Variants in ADAM7 observed in about 807,000 individuals in gnomAD.
The protein encoded by ADAM7 is disintegrin and metalloproteinase domain-containing protein 7.
In ADAM7, 97 loss-of-function variants were observed where a neutral mutation model predicts 102.9. The ratio of observed to expected loss-of-function variants is 0.94; its 90% CI spans 0.80 to 1.12. The LOEUF is 1.12. Among genes scored for constraint, ADAM7 ranks in the 50% most tolerant of loss-of-function variants. The pLI, the probability that ADAM7 is intolerant of heterozygous loss-of-function variation, is 0.00. For synonymous variants in ADAM7, 334 were observed against 304.4 expected, an observed-to-expected ratio of 1.10 and a Z score of -1.01; for missense variants, 991 against 908.7, an observed-to-expected ratio of 1.09 and a Z score of -1.16.
intron 12 of ADAM7, 165 bp from the exon 13 acceptor site, chr8:24,490,634 C>A: frequency 4.8e-6 from 3 of 628,172 alleles, no homozygotes; most frequent in South Asian, 2.2e-5. Flanking sequence ...AGTTAAAGTC[C>A]CAAATACCCG....
In ADAM7 at chr8:24,508,530, A is replaced by T; in HGVS notation, c.*-16A>T. On this transcript the variant is annotated splice_polypyrimidine_tract_variant and intron_variant, in intron 21 of 21. Transcript: ENST00000175238. Reference sequence around the variant, plus strand: ...CATAGGAAACAATCTATTTTTAACCATCTGTTTCTATTTAGAGCTTGAAGT... The same window carrying T: ...CATAGGAAACAATCTATTTTTAACCTTCTGTTTCTATTTAGAGCTTGAAGT... 2 of 1,612,812 alleles carry T rather than the reference A, an allele frequency of 1.2e-6. No individual in the cohort carries two copies. The highest frequency in any genetic ancestry group is 1.1e-5 in the South Asian group (1 of 91,022).
intron 16 of ADAM7, among the ~76,000 whole-genome samples, chr8:24,495,348 C>G (rs1351574188): frequency 6.6e-6 from 1 of 151,894 alleles, no homozygotes; most frequent in Non-Finnish European, 1.5e-5. Flanking sequence ...TTTAAAGCAG[C>G]CTTTACAAAA....
chr8:24,490,667 A>G, intron 12 of ADAM7, 132 bp from the exon 13 acceptor site: 1 of 823,938 alleles, frequency 1.2e-6, no homozygotes. Context: ...ATCTTTATGT[A>G]TGTACCACAG....
At chr8:24,494,721 A>G (rs114826635) in intron 16 of ADAM7, among the ~76,000 whole-genome samples, 1 of 69,552 alleles carries the variant, frequency 1.4e-5, no homozygotes, top group Non-Finnish European at 3.2e-5. Context: ...TGAAAAAAAA[A>G]TCTCTTTTTG....
intron 7 of ADAM7, 23 bp from the exon 8 acceptor site, chr8:24,476,410 T>G (rs1563385252): frequency 9.8e-6 from 15 of 1,528,946 alleles, no homozygotes; most frequent in Non-Finnish European, 1.3e-5. Context: ...TAATGAATAT[T>G]AATATGATAT....
intron 12 of ADAM7, chr8:24,490,381 T>C (rs1291773400): frequency 6.4e-6 from 1 of 155,512 alleles, no homozygotes; most frequent in African/African-American, 2.4e-5. Context: ...TTTGATGTTA[T>C]TTAATGATAC....
intron 2 of ADAM7, among the ~76,000 whole-genome samples, chr8:24,446,614 G>C (rs1376715525): frequency 6.6e-6 from 1 of 151,848 alleles, no homozygotes; most frequent in Non-Finnish European, 1.5e-5. Context: ...GCTGCCTAAA[G>C]ACACATACTA....
At chr8:24,468,922 T>C in intron 7 of ADAM7, 102 bp downstream of exon 7, 1 of 1,135,110 alleles carries the variant, frequency 8.8e-7, no homozygotes, top group South Asian at 1.6e-5. Flanking sequence ...AGTTCTATTC[T>C]AGGCTCAAAG....
intron 10 of ADAM7, 52 bp from the exon 11 acceptor site, chr8:24,487,135 A>T: frequency 1.3e-6 from 2 of 1,579,770 alleles, no homozygotes; most frequent in Non-Finnish European, 1.7e-6. Context: ...AGCACTATGT[A>T]CTACAGTATG....
chr8:24,441,282 C>A, intron 1 of ADAM7, 122 bp downstream of exon 1: 1 of 934,522 alleles, frequency 1.1e-6, no homozygotes, highest in Non-Finnish European at 1.7e-6. Flanking sequence ...CTGAGAGCTT[C>A]GACTAGATTA....
intron 2 of ADAM7, among the ~76,000 whole-genome samples, chr8:24,444,374 C>A (rs906705615): frequency 6.6e-6 from 1 of 151,750 alleles, no homozygotes; most frequent in Admixed American, 6.6e-5. Flanking sequence ...GGGGGTGGAA[C>A]CTAAATCCCC....
intron 3 of ADAM7, among the ~76,000 whole-genome samples, chr8:24,462,884 C>T (rs1226471915): frequency 2.6e-5 from 4 of 152,114 alleles, no homozygotes; most frequent in African/African-American, 9.6e-5. Flanking sequence ...CATGGGTGAA[C>T]AAATGATAAT....
Position 24,466,243 on chromosome 8 carries a change from C to T in ADAM7, c.389+468C>T, listed in dbSNP as rs573313839. Among the ~76,000 whole-genome samples, 13 of 152,192 alleles carry T rather than the reference C, an allele frequency of 8.5e-5. 1 individual carries two copies. In the South Asian group the frequency reaches 2.7e-3, roughly 32 times the overall value. Reference sequence around the variant, plus strand: ...TTGCAGCCTCTTGAAAGTAAAAATTCAGAAGTAAAGCCTATAGTTCTCTAT... The same window carrying T: ...TTGCAGCCTCTTGAAAGTAAAAATTTAGAAGTAAAGCCTATAGTTCTCTAT... On this transcript the variant is annotated intron_variant, in intron 5 of 21. Transcript: ENST00000175238.
chr8:24,479,563 A>G (rs1819880805), intron 8 of ADAM7, among the ~76,000 whole-genome samples: 1 of 152,114 alleles, frequency 6.6e-6, no homozygotes, highest in Non-Finnish European at 1.5e-5. Context: ...TGAGGGAGCC[A>G]TCTTGAGTCT....
At chr8:24,443,209 T>G (rs566861636) in intron 2 of ADAM7, among the ~76,000 whole-genome samples, 3 of 152,150 alleles carry the variant, frequency 2.0e-5, no homozygotes, top group East Asian at 1.9e-4. Context: ...TAGGTTTTAA[T>G]TGGGCTCATA....
chr8:24,500,237 A>G lies in ADAM7; in HGVS notation c.1983A>G (p.Glu661=), dbSNP rs1186678006. The change falls in exon 18 of 22, where the codon GAA becomes GAG. Residue 661 remains glutamate (E), a synonymous_variant. Coordinates refer to ENST00000175238, the MANE Select transcript of ADAM7 (RefSeq NM_003817.4). ...CEEGQAPVAC[E]ETLHVTNITI... ...AAGGACAGGCACCTGTAGCCTGTGA[A>G]GAAACCTTACATGTTACCAGTGAGC... 7.4e-6 allele frequency: 12 copies of G among 1,611,480 alleles called. No individual in the cohort carries two copies. Among genetic ancestry groups the G allele is most frequent in the Non-Finnish European group, 1.0e-5 (12 of 1,178,102 alleles).
Position 24,493,146 on chromosome 8 carries a change from G to T in ADAM7, c.1759G>T (p.Val587Phe). ...TAAGGATCCCCAGAAGAATGCTACT[G>T]TCAAATGCAAAACTATTTTTTTATA... ...HLKDPQKNAT[V>F]KCKTIFLYHD... is the part of the protein sequence containing the mutation. Residue 587 changes from valine to phenylalanine, a missense_variant, in exon 16 of 22, where the codon GTC becomes TTC. By Grantham distance (50) the Val-to-Phe change is conservative. Transcript: ENST00000175238. 2.5e-6 allele frequency: 4 copies of T among 1,613,470 alleles called. No individual in the cohort carries two copies. The highest frequency in any genetic ancestry group is 1.7e-4 in the Middle Eastern group (1 of 6,058).
intron 2 of ADAM7, 83 bp from the exon 3 acceptor site, chr8:24,447,103 G>C: frequency 1.6e-6 from 1 of 642,680 alleles, no homozygotes; most frequent in Middle Eastern, 2.7e-4. Context: ...TGGAGATAGG[G>C]AACATTCACC....
intron 20 of ADAM7, chr8:24,506,200 T>A: frequency 7.2e-7 from 1 of 1,396,146 alleles, no homozygotes; most frequent in Non-Finnish European, 9.8e-7. Context: ...CTATGTCCTT[T>A]CCAATAATAA....
Sources: allele counts gnomAD v4.1 joint callset (sites outside exome capture counted in the v4.1 genomes callset), GRCh38; gene constraint gnomAD v4.1.1; transcripts MANE v1.5; gene names NCBI Gene and HGNC (gene_info 2026-07-23, HGNC 2026-07-21).